Variants in PRKN observed in about 807,000 individuals in gnomAD.
The protein encoded by PRKN is E3 ubiquitin-protein ligase parkin.
Under a neutral mutation model 59.5 loss-of-function variants are expected in PRKN, and 56 were observed. The observed-to-expected ratio is 0.94, with a 90% CI of 0.76 to 1.18. The LOEUF (loss-of-function observed/expected upper bound fraction) is 1.18. Among genes scored for constraint, PRKN ranks in the 50% most tolerant of loss-of-function variants. The probability of loss-of-function intolerance (pLI) is 0.00; values close to 1 mark genes in which losing one functional copy is unlikely to be tolerated. For synonymous variants in PRKN, 250 were observed against 222.1 expected (o/e 1.13, Z -1.12); for missense variants, 657 against 596.4 (o/e 1.10, Z -1.06).
chr6:162,432,239 C>T (rs151055064), intron 2 of PRKN, among the ~76,000 whole-genome samples: 107 of 152,116 alleles, frequency 7.0e-4, no homozygotes, highest in African/African-American at 2.5e-3. Flanking sequence ...TATAAGAAAC[C>T]AAGCTTGGCT....
intron 4 of PRKN, among the ~76,000 whole-genome samples, chr6:162,182,874 T>C (rs961560224): frequency 6.6e-6 from 1 of 152,174 alleles, no homozygotes; most frequent in Non-Finnish European, 1.5e-5. Context: ...ATAACTATTG[T>C]ATTATTTGAA....
At chr6:162,361,246 G>A (rs966950432) in intron 2 of PRKN, among the ~76,000 whole-genome samples, 1 of 152,088 alleles carries the variant, frequency 6.6e-6, no homozygotes, top group Non-Finnish European at 1.5e-5. Flanking sequence ...GAGAGAGAAA[G>A]GGTTATGGAC....
intron 7 of PRKN, among the ~76,000 whole-genome samples, chr6:161,630,661 G>C (rs1399947732): frequency 6.6e-6 from 1 of 151,986 alleles, no homozygotes; most frequent in Non-Finnish European, 1.5e-5. Context: ...GCGCTCTCTG[G>C]ATACCCTCTC....
chr6:161,870,455 T>C (rs1291655769), intron 6 of PRKN, among the ~76,000 whole-genome samples: 1 of 152,190 alleles, frequency 6.6e-6, no homozygotes, highest in Non-Finnish European at 1.5e-5. Flanking sequence ...TCCCACATTC[T>C]CAAATCAAAC....
intron 6 of PRKN, among the ~76,000 whole-genome samples, chr6:161,802,408 C>CCCCACACAAGCCCCACATGA (rs1352542621): frequency 1.3e-5 from 2 of 151,502 alleles, no homozygotes; most frequent in Admixed American, 1.3e-4. Flanking sequence ...CACACACACA[C>CCCCACACAAGCCCCACATGA]CCCACACAAG....
chr6:161,387,645 C>T (rs968028805), intron 9 of PRKN, among the ~76,000 whole-genome samples: 2 of 152,188 alleles, frequency 1.3e-5, no homozygotes, highest in Non-Finnish European at 2.9e-5. Flanking sequence ...TGTTTGCATT[C>T]ACAGAAGATT....
At chr6:161,813,252 T>G (rs555909673) in intron 6 of PRKN, among the ~76,000 whole-genome samples, 2 of 152,214 alleles carry the variant, frequency 1.3e-5, no homozygotes, top group South Asian at 2.1e-4. Flanking sequence ...TCATCCTGGT[T>G]CAGCATCCCA....
rs1011748249 is a variant in PRKN at position 161,392,546 on chromosome 6, C to A, written c.1084-5669G>T. ...CTCTCTCTCTCGCTATATATATATA[C>A]ATATATAAATTCCAGGTAGCCATAT... On this transcript the variant is annotated intron_variant, in intron 9 of 11. Coordinates refer to ENST00000366898, the MANE Select transcript of PRKN (RefSeq NM_004562.3). Among the ~76,000 whole-genome samples the A allele has an allele frequency of 1.3e-4, 19 of 147,154 alleles. 1 individual carries two copies. Among genetic ancestry groups the A allele is most frequent in the African/African-American group, 4.5e-4 (18 of 39,820 alleles).
rs1034259755 is a variant in PRKN, at chr6:161,440,602, C to A, written c.1084-53725G>T. Among the ~76,000 whole-genome samples, 2 of 152,172 alleles carry A rather than the reference C, an allele frequency of 1.3e-5. No individual in the cohort carries two copies. Among genetic ancestry groups the A allele is most frequent in the Non-Finnish European group, 2.9e-5 (2 of 68,028 alleles). Reference sequence around the variant, plus strand: ...AGTTGCTGGAAATGGATAAGAAAATCCTAGTTCTACCTCGCAGACAGGGAG... The same window carrying A: ...AGTTGCTGGAAATGGATAAGAAAATACTAGTTCTACCTCGCAGACAGGGAG... On this transcript the variant is annotated intron_variant, in intron 9 of 11. Coordinates refer to ENST00000366898, the MANE Select transcript of PRKN (RefSeq NM_004562.3). This position sits in a 1 kb window ranked among gnomAD's most constrained non-coding sequence, Gnocchi z 4.1.
intron 6 of PRKN, among the ~76,000 whole-genome samples, chr6:161,970,677 A>C (rs985488155): frequency 6.6e-6 from 1 of 151,840 alleles, no homozygotes; most frequent in Non-Finnish European, 1.5e-5. Context: ...AGCTGGGACT[A>C]CAGGCATGTG....
intron 1 of PRKN, among the ~76,000 whole-genome samples, chr6:162,518,378 A>AT (rs888286322): frequency 6.6e-6 from 1 of 152,142 alleles, no homozygotes; most frequent in African/African-American, 2.4e-5. Flanking sequence ...TTATTGATAT[A>AT]TTTTTTGAGA....
chr6:161,791,041 T>G (rs1034042962), intron 6 of PRKN, among the ~76,000 whole-genome samples: 30 of 152,202 alleles, frequency 2.0e-4, no homozygotes, highest in Non-Finnish European at 3.5e-4. Context: ...CTGACATTCC[T>G]GTGTGCCCTT....
intron 5 of PRKN, among the ~76,000 whole-genome samples, chr6:162,004,673 C>A (rs1038570620): frequency 6.6e-6 from 1 of 152,150 alleles, no homozygotes; most frequent in African/African-American, 2.4e-5. Context: ...CAGAAAGAAA[C>A]TAATGAACTC....
At chr6:162,624,499 A>G (rs1173574746) in intron 1 of PRKN, 1 of 152,252 alleles carries the variant, frequency 6.6e-6, no homozygotes, top group Middle Eastern at 3.2e-3. Context: ...GAGTTCAAAT[A>G]GAAATCACAT....
intron 7 of PRKN, among the ~76,000 whole-genome samples, chr6:161,683,227 C>T (rs1785435901): frequency 6.6e-6 from 1 of 152,158 alleles, no homozygotes; most frequent in Non-Finnish European, 1.5e-5. Context: ...AAGCTTTCAC[C>T]TGCAGAGAAG....
chr6:162,363,158 T>A (rs1171130079), intron 2 of PRKN, among the ~76,000 whole-genome samples: 8 of 145,022 alleles, frequency 5.5e-5, no homozygotes, highest in Non-Finnish European at 3.0e-5. Flanking sequence ...AAAAAAAAAA[T>A]TGTCTCCCCT....
intron 2 of PRKN, among the ~76,000 whole-genome samples, chr6:162,440,014 C>T (rs562820385): frequency 1.3e-5 from 2 of 152,226 alleles, no homozygotes; most frequent in East Asian, 3.9e-4. Context: ...TATGCAATGT[C>T]TAGGCTTTTT....
chr6:161,475,008 G>C lies in PRKN; in HGVS notation c.1083+73846C>G, dbSNP rs1337289417. Among the ~76,000 whole-genome samples the C allele has an allele frequency of 3.4e-5, 5 of 146,224 alleles. No individual in the cohort carries two copies. Among genetic ancestry groups the C allele is most frequent in the South Asian group, 2.2e-4 (1 of 4,512 alleles). On this transcript the variant is annotated intron_variant, in intron 9 of 11. Coordinates refer to ENST00000366898, the MANE Select transcript of PRKN (RefSeq NM_004562.3). The surrounding 1 kb of genome is among the most constrained non-coding windows in gnomAD (Gnocchi z 5.3). Reference sequence around the variant, plus strand: ...CAACCTCCGCCTCCTGGGTTCAAGTGATTCTCCTGCCTCAGCCTCCCAAGT... The same window carrying C: ...CAACCTCCGCCTCCTGGGTTCAAGTCATTCTCCTGCCTCAGCCTCCCAAGT...
intron 1 of PRKN, among the ~76,000 whole-genome samples, chr6:162,464,228 G>A (rs1791306733): frequency 6.6e-6 from 1 of 151,888 alleles, no homozygotes; most frequent in Admixed American, 6.6e-5. Context: ...TTTACACTTA[G>A]GTCTTTCTTT....
Sources: gnomAD v4.1 joint callset for allele counts (sites outside exome capture counted in the v4.1 genomes callset) on GRCh38, gnomAD v4.1.1 for gene constraint, Gnocchi (gnomAD v3.1) non-coding constraint, MANE v1.5 for transcripts, NCBI Gene and HGNC (gene_info 2026-07-23, HGNC 2026-07-21) for gene names.